SVEP1: variants seen among roughly 807,000 people sequenced by gnomAD.
SVEP1 encodes sushi, von Willebrand factor type A, EGF and pentraxin domain-containing protein 1.
SVEP1 carries 164 observed loss-of-function variants against 367.3 expected under a neutral mutation model. That is an observed-to-expected ratio of 0.45 (90% CI 0.39 to 0.51). The LOEUF (loss-of-function observed/expected upper bound fraction) is 0.51, where lower values mean the gene tolerates loss of function less well. Ranked by LOEUF, SVEP1 falls within the 20% of genes least tolerant of loss-of-function variation. The probability of loss-of-function intolerance (pLI) is 0.00; values close to 1 mark genes in which losing one functional copy is unlikely to be tolerated. For synonymous variants in SVEP1, 1,666 were observed against 1,611.6 expected (o/e 1.03, Z -0.81); for missense variants, 4,117 against 4,425.3 (o/e 0.93, Z 1.98).
Position 110,489,786 on chromosome 9 carries a change from G to T in SVEP1, c.1801-7C>A. On this transcript the variant is annotated splice_region_variant and splice_polypyrimidine_tract_variant and intron_variant, in intron 8 of 47. Coordinates refer to ENST00000374469, the MANE Select transcript of SVEP1 (RefSeq NM_153366.4). Reference sequence around the variant, plus strand: ...GATGAACGTGGACTGACACCTATTGGAGATACACAAATATTTTGAAAGTTA... The same window carrying T: ...GATGAACGTGGACTGACACCTATTGTAGATACACAAATATTTTGAAAGTTA... The T allele has an allele frequency of 6.2e-7, 1 of 1,602,700 alleles. No homozygotes were observed. Among genetic ancestry groups the T allele is most frequent in the South Asian group, 1.1e-5 (1 of 88,316 alleles).
At chr9:110,499,816 T>C (rs1396754909) in intron 6 of SVEP1, among the ~76,000 whole-genome samples, 1 of 152,014 alleles carries the variant, frequency 6.6e-6, no homozygotes, top group Non-Finnish European at 1.5e-5. Flanking sequence ...ATACAGGGAG[T>C]GCATGTGAGG....
chr9:110,559,380 G>T (rs1008795359), intron 1 of SVEP1, among the ~76,000 whole-genome samples: 2 of 151,734 alleles, frequency 1.3e-5, no homozygotes, highest in Non-Finnish European at 2.9e-5. Context: ...GGAGAAAAGA[G>T]AAAAAATAAC....
At chr9:110,454,008 C>G (rs1458820148) in intron 22 of SVEP1, among the ~76,000 whole-genome samples, 1 of 150,808 alleles carries the variant, frequency 6.6e-6, no homozygotes, top group Non-Finnish European at 1.5e-5. Flanking sequence ...TATGTGTCTT[C>G]TTAGAGAAGT....
intron 19 of SVEP1, 92 bp from the exon 20 acceptor site, chr9:110,458,654 G>A: frequency 7.9e-7 from 1 of 1,265,522 alleles, no homozygotes; most frequent in Non-Finnish European, 1.1e-6. Context: ...GGTTGTCAGA[G>A]TGGGTAAAGC....
Position 110,401,099 on chromosome 9 carries a change from A to G in SVEP1, c.9667-90T>C. The G allele has an allele frequency of 6.7e-6, 10 of 1,495,852 alleles. No homozygotes were observed. The East Asian group carries it at 1.4e-4, about 21-fold the overall frequency. The allele number at this position is 1,495,852 out of a possible 1,614,324, so 92.7% of individuals were successfully genotyped here. On this transcript the variant is annotated intron_variant, in intron 39 of 47. Coordinates refer to ENST00000374469, the MANE Select transcript of SVEP1 (RefSeq NM_153366.4). Reference sequence around the variant, plus strand: ...GCAAATATTGGTTATTTGCAGAATAATCTCCAAAATGATAGTCAAAAGCAC... The same window carrying G: ...GCAAATATTGGTTATTTGCAGAATAGTCTCCAAAATGATAGTCAAAAGCAC...
At chr9:110,469,205 C>A in intron 16 of SVEP1, 104 bp from the exon 17 acceptor site, 1 of 1,241,264 alleles carries the variant, frequency 8.1e-7, no homozygotes, top group Non-Finnish European at 1.1e-6. Flanking sequence ...CTTGAAGGTG[C>A]TATTGTTTAT....
At chr9:110,392,158 T>TATATATA (rs1554710916) in intron 40 of SVEP1, among the ~76,000 whole-genome samples, 2 of 148,588 alleles carry the variant, frequency 1.3e-5, no homozygotes, top group African/African-American at 2.5e-5. Context: ...TATATATCTC[T>TATATATA]TCTCTCTCTC....
intron 17 of SVEP1, among the ~76,000 whole-genome samples, chr9:110,466,606 A>C (rs970253589): frequency 2.0e-5 from 3 of 151,004 alleles, no homozygotes; most frequent in African/African-American, 7.3e-5. Flanking sequence ...AAAAAATACA[A>C]AAAAATTAGC....
At chr9:110,433,279 G>A (rs1157998468) in intron 30 of SVEP1, among the ~76,000 whole-genome samples, 1 of 144,274 alleles carries the variant, frequency 6.9e-6, no homozygotes, top group East Asian at 2.1e-4. Flanking sequence ...CATAGACACT[G>A]TTCTAGGTGC....
intron 14 of SVEP1, among the ~76,000 whole-genome samples, chr9:110,472,693 C>T (rs966265328): frequency 3.3e-5 from 5 of 152,100 alleles, no homozygotes; most frequent in Non-Finnish European, 7.4e-5. Flanking sequence ...AGGCTTTCTC[C>T]AATCCTTTTT....
In SVEP1 at chr9:110,476,286, G is replaced by A. The variant is rs751125933; in HGVS notation, c.2517C>T (p.Asp839=). 14 of 1,613,242 alleles carry A rather than the reference G, an allele frequency of 8.7e-6. No individual in the cohort carries two copies. In the South Asian group the frequency reaches 1.3e-4, roughly 15 times the overall value. ...MVPSFCSDAE[D]IDCRLEENLT... Reference sequence around the variant, plus strand: ...GGTTCTCCTCCAGTCTGCAGTCAATGTCCTCTGCATCACTACAAAATGATG... The same window carrying A: ...GGTTCTCCTCCAGTCTGCAGTCAATATCCTCTGCATCACTACAAAATGATG... Residue 839 remains aspartate (D), a synonymous_variant, in exon 14 of 48, where the codon GAC becomes GAT. Transcript: ENST00000374469.
chr9:110,375,610 T>C (rs1827340580), intron 45 of SVEP1, 147 bp from the exon 46 acceptor site: 1 of 657,460 alleles, frequency 1.5e-6, no homozygotes, highest in African/African-American at 1.8e-5. Flanking sequence ...GTTTCCTGCA[T>C]GTGTTCTGCT....
rs562335868 is a variant in SVEP1, at chr9:110,451,660, A to G, written c.3788-258T>C. Among the ~76,000 whole-genome samples the G allele has an allele frequency of 2.0e-5, 3 of 152,294 alleles. No individual in the cohort carries two copies. The East Asian group carries it at 5.8e-4, about 29-fold the overall frequency. ...CTGACCATATTTTTTTTAGTGAAAA[A>G]GATGTGTGATTTTGTTTTAAATTTT... is the stretch of plus-strand genomic sequence containing the variant. On this transcript the variant is annotated intron_variant, in intron 22 of 47. Transcript: ENST00000374469.
intron 24 of SVEP1, among the ~76,000 whole-genome samples, chr9:110,447,667 G>A (rs1246774195): frequency 1.3e-5 from 2 of 152,218 alleles, no homozygotes; most frequent in Non-Finnish European, 2.9e-5. Flanking sequence ...CATATAGTGA[G>A]TAAGACTACA....
At chr9:110,509,722 C>A (rs973614042) in intron 5 of SVEP1, among the ~76,000 whole-genome samples, 1 of 152,158 alleles carries the variant, frequency 6.6e-6, no homozygotes, top group Non-Finnish European at 1.5e-5. Flanking sequence ...AATGTATATA[C>A]TGTAGTTATC....
At chr9:110,398,004 T>C (rs1292517811) in intron 40 of SVEP1, among the ~76,000 whole-genome samples, 3 of 143,198 alleles carry the variant, frequency 2.1e-5, no homozygotes, top group African/African-American at 7.6e-5. Context: ...TTAAAGTTCA[T>C]ATGGAACCAA....
intron 33 of SVEP1, 120 bp from the exon 34 acceptor site, chr9:110,430,124 G>C: frequency 2.1e-6 from 2 of 953,276 alleles, no homozygotes; most frequent in Non-Finnish European, 2.8e-6. Context: ...TTTTTTTTTG[G>C]TGTGTGTGTG....
At chr9:110,385,431 G>T (rs886436492) in intron 43 of SVEP1, among the ~76,000 whole-genome samples, 1 of 152,204 alleles carries the variant, frequency 6.6e-6, no homozygotes, top group Non-Finnish European at 1.5e-5. Context: ...GCTTGCTAGT[G>T]GTTCTCAGAT....
chr9:110,440,327 T>C (rs188259435), intron 27 of SVEP1, among the ~76,000 whole-genome samples: 1 of 152,328 alleles, frequency 6.6e-6, no homozygotes, highest in East Asian at 1.9e-4. Flanking sequence ...ACCCCATTCA[T>C]GGCTCCCTGC....
Sources: allele counts gnomAD v4.1 joint callset (sites outside exome capture counted in the v4.1 genomes callset), GRCh38; gene constraint gnomAD v4.1.1; transcripts MANE v1.5; gene names NCBI Gene and HGNC (gene_info 2026-07-23, HGNC 2026-07-21).